Variants in PIK3AP1 observed in about 807,000 individuals in gnomAD.
The protein encoded by PIK3AP1 is phosphoinositide 3-kinase adapter protein 1.
PIK3AP1 carries 21 observed loss-of-function variants against 88.1 expected under a neutral mutation model. That is an observed-to-expected ratio of 0.24 (90% CI 0.17 to 0.34). PIK3AP1 has a LOEUF of 0.34. Among genes scored for constraint, PIK3AP1 ranks in the 10% least tolerant of loss-of-function variants. The pLI, the probability that PIK3AP1 is intolerant of heterozygous loss-of-function variation, is 1.00. For synonymous variants in PIK3AP1, 398 were observed against 400.0 expected, an observed-to-expected ratio of 1.00 and a Z score of 0.06; for missense variants, 828 against 1,035.7, an observed-to-expected ratio of 0.80 and a Z score of 2.75.
At position 96,602,335 on chromosome 10, in the gene PIK3AP1, G is replaced by A. The variant is rs1554951926; in HGVS notation, c.2305C>T (p.Pro769Ser). 3 of 1,612,028 alleles carry A rather than the reference G, an allele frequency of 1.9e-6. No homozygotes were observed. Among genetic ancestry groups the A allele is most frequent in the Non-Finnish European group, 1.7e-6 (2 of 1,178,976 alleles). ...SPGPPQVDGT[P>S]TMSLERPPRV... ...GGGGGTCTCTCGAGGGACATGGTGGGTGTCCCATCCACTTGTGGGGGGCCT... is the reference window on the plus strand; with the variant it reads ...GGGGGTCTCTCGAGGGACATGGTGGATGTCCCATCCACTTGTGGGGGGCCT... The change falls in exon 16 of 17, where the codon CCC becomes TCC. Residue 769 changes from proline to serine, a missense_variant. Transcript: ENST00000339364.
At chr10:96,639,702 C>T (rs1254890892) in intron 8 of PIK3AP1, among the ~76,000 whole-genome samples, 7 of 152,170 alleles carry the variant, frequency 4.6e-5, no homozygotes, top group East Asian at 3.9e-4. Context: ...CCCAGGCCCA[C>T]GGGCCTTGAA....
chr10:96,606,257 A>G (rs1849000727), intron 14 of PIK3AP1, among the ~76,000 whole-genome samples: 1 of 152,106 alleles, frequency 6.6e-6, no homozygotes, highest in African/African-American at 2.4e-5. Flanking sequence ...AATGCTATCA[A>G]AACCTCCCCA....
At chr10:96,702,975 C>T (rs186865564) in intron 2 of PIK3AP1, among the ~76,000 whole-genome samples, 73 of 152,222 alleles carry the variant, frequency 4.8e-4, no homozygotes, top group African/African-American at 1.2e-3. Flanking sequence ...TTCCAGGGCT[C>T]GAGCAATCTT....
At chr10:96,669,792 CAGAG>C (rs1843817420) in intron 2 of PIK3AP1, among the ~76,000 whole-genome samples, 1 of 151,308 alleles carries the variant, frequency 6.6e-6, no homozygotes, top group Admixed American at 6.6e-5. Context: ...AAAAAAAAAC[CAGAG>C]AGAATTATGT....
At chr10:96,618,429 T>C (rs11188858) in intron 12 of PIK3AP1, among the ~76,000 whole-genome samples, 28,224 of 152,140 alleles carry the variant, frequency 0.19, 2,871 homozygotes, top group Admixed American at 0.31. Flanking sequence ...ACCTGCCCTG[T>C]CCACCCCTTC....
intron 8 of PIK3AP1, among the ~76,000 whole-genome samples, chr10:96,628,891 T>TATATATACACACACAC (rs1564961249): frequency 1.4e-4 from 5 of 36,180 alleles, no homozygotes; most frequent in African/African-American, 6.2e-4. Context: ...TATATATACA[T>TATATATACACACACAC]ATATATATAT....
chr10:96,652,885 C>T, intron 3 of PIK3AP1, 43 bp from the exon 4 acceptor site: 4 of 1,598,398 alleles, frequency 2.5e-6, no homozygotes, highest in Non-Finnish European at 3.4e-6. Flanking sequence ...CCTCTCAGAT[C>T]CCCGTAGGGT....
chr10:96,674,705 C>G (rs1257886656), intron 2 of PIK3AP1, among the ~76,000 whole-genome samples: 1 of 152,196 alleles, frequency 6.6e-6, no homozygotes, highest in African/African-American at 2.4e-5. Context: ...TCAGGGAGGA[C>G]CACTGTAAGG....
intron 2 of PIK3AP1, among the ~76,000 whole-genome samples, chr10:96,709,131 CAA>C (rs113424134): frequency 1.5e-4 from 12 of 79,618 alleles, no homozygotes; most frequent in South Asian, 4.9e-4. Context: ...GACTCCGACT[CAA>C]AAAAAAAAAA....
chr10:96,650,931 C>T (rs931864848), intron 6 of PIK3AP1, among the ~76,000 whole-genome samples: 6 of 152,240 alleles, frequency 3.9e-5, no homozygotes, highest in Non-Finnish European at 5.9e-5. Flanking sequence ...CTTAGCTTAC[C>T]TGTTCCTCAT....
rs766044552 is a variant in PIK3AP1 at position 96,628,412 on chromosome 10, C to T, written c.1457G>A (p.Arg486His). ...CTATGACTTACCTTCTAAAAACTTG[C>T]GGATCATAGAGTCCTTAGTGGCCCG... ...FSRATKDSMI[R>H]KFLEGNSMGM... is the part of the protein sequence containing the mutation. The change falls in exon 9 of 17, where the codon CGC becomes CAC. Residue 486 changes from arginine to histidine, a missense_variant. Arg to His is a conservative substitution (Grantham distance 29). Coordinates refer to ENST00000339364, the MANE Select transcript of PIK3AP1 (RefSeq NM_152309.3). The T allele has an allele frequency of 6.8e-6, 11 of 1,609,858 alleles. No homozygotes were observed. Among genetic ancestry groups the T allele is most frequent in the Non-Finnish European group, 8.5e-6 (10 of 1,176,274 alleles).
intron 2 of PIK3AP1, among the ~76,000 whole-genome samples, chr10:96,708,574 CAAAAAAAAA>C (rs924470384): frequency 6.2e-4 from 8 of 12,832 alleles, no homozygotes; most frequent in Non-Finnish European, 9.6e-4. Context: ...GGATCTGTCT[CAAAAAAAAA>C]AAAAAAAAAA....
At chr10:96,701,760 G>C (rs1489197293) in intron 2 of PIK3AP1, among the ~76,000 whole-genome samples, 2 of 152,168 alleles carry the variant, frequency 1.3e-5, no homozygotes, top group Admixed American at 1.3e-4. Context: ...GGACTCTATA[G>C]CAGTATGATC....
intron 8 of PIK3AP1, among the ~76,000 whole-genome samples, chr10:96,637,314 T>TCACTCACACACACA (rs35300133): frequency 1.2e-3 from 159 of 128,078 alleles, no homozygotes; most frequent in South Asian, 2.1e-3. Context: ...AGATATACAA[T>TCACTCACACACACA]CACACACACA....
chr10:96,615,876 C>T (rs533502885), intron 13 of PIK3AP1, among the ~76,000 whole-genome samples: 3 of 151,900 alleles, frequency 2.0e-5, no homozygotes, highest in African/African-American at 7.2e-5. Context: ...GGAAGCTGTG[C>T]ACAAACAGGG....
At chr10:96,628,891 T>TATACATATAC (rs1564961247) in intron 8 of PIK3AP1, among the ~76,000 whole-genome samples, 2 of 36,180 alleles carry the variant, frequency 5.5e-5, no homozygotes, top group Non-Finnish European at 9.9e-5. Context: ...TATATATACA[T>TATACATATAC]ATATATATAT....
intron 8 of PIK3AP1, among the ~76,000 whole-genome samples, chr10:96,628,871 TAC>T (rs201361014): frequency 0.4 from 17,540 of 43,382 alleles, 3,353 homozygotes; most frequent in Middle Eastern, 0.48. Flanking sequence ...CACACATATA[TAC>T]ACATATATAT....
chr10:96,719,064 T>C (rs569261548), intron 1 of PIK3AP1, among the ~76,000 whole-genome samples: 46 of 152,308 alleles, frequency 3.0e-4, no homozygotes, highest in African/African-American at 1.0e-3. Context: ...ACACATGTCA[T>C]ACCAGAGATT....
intron 3 of PIK3AP1, among the ~76,000 whole-genome samples, chr10:96,654,227 T>C (rs975626110): frequency 6.8e-6 from 1 of 146,824 alleles, no homozygotes; most frequent in African/African-American, 2.6e-5. Context: ...ACACTAAGCC[T>C]GCCAAATGGA....
Sources: allele counts gnomAD v4.1 joint callset (sites outside exome capture counted in the v4.1 genomes callset), GRCh38; gene constraint gnomAD v4.1.1; transcripts MANE v1.5; gene names NCBI Gene and HGNC (gene_info 2026-07-23, HGNC 2026-07-21).